GRID2: variants seen among roughly 807,000 people sequenced by gnomAD.
GRID2 encodes the protein glutamate ionotropic receptor delta type subunit 2.
In GRID2, 33 loss-of-function variants were observed where a neutral mutation model predicts 114.8. That is an observed-to-expected ratio of 0.29 (90% CI 0.22 to 0.38). GRID2 has a LOEUF of 0.38. Ranked by LOEUF, GRID2 falls within the 10% of genes least tolerant of loss-of-function variation. The pLI, the probability that GRID2 is intolerant of heterozygous loss-of-function variation, is 1.00. For synonymous variants in GRID2, 505 were observed against 449.9 expected, an observed-to-expected ratio of 1.12 and a Z score of -1.55; for missense variants, 1,184 against 1,257.7, an observed-to-expected ratio of 0.94 and a Z score of 0.89.
Position 93,085,186 on chromosome 4 carries a change from G to A in GRID2, c.436G>A (p.Val146Ile). 1 of 1,613,938 alleles carries A rather than the reference G, an allele frequency of 6.2e-7. No individual in the cohort carries two copies. The highest frequency in any genetic ancestry group is 8.5e-7 in the Non-Finnish European group (1 of 1,179,910). Residue 146 changes from valine (V) to isoleucine (I), a missense_variant, in exon 3 of 16, where the codon GTT (valine) becomes ATT (isoleucine). Coordinates refer to ENST00000282020, the MANE Select transcript of GRID2 (RefSeq NM_001510.4). Reference protein sequence around the residue: ...SNRNDDYTLSVRPPVYLHDVI... With the variant: ...SNRNDDYTLSIRPPVYLHDVI... Reference sequence around the variant, plus strand: ...CAGGAATGATGACTACACTCTCTCAGTTCGCCCACCTGTCTACTTGCATGA... The same window carrying A: ...CAGGAATGATGACTACACTCTCTCAATTCGCCCACCTGTCTACTTGCATGA...
chr4:92,910,978 C>T (rs1355356292), intron 2 of GRID2, among the ~76,000 whole-genome samples: 1 of 151,938 alleles, frequency 6.6e-6, no homozygotes, highest in Non-Finnish European at 1.5e-5. Flanking sequence ...ATTTGTTATA[C>T]TAGTTTCTGA....
intron 2 of GRID2, among the ~76,000 whole-genome samples, chr4:92,658,793 G>GTATATATATA (rs201480396): frequency 6.8e-5 from 9 of 132,364 alleles, no homozygotes; most frequent in Non-Finnish European, 1.3e-4. Flanking sequence ...GTGTGTGTGT[G>GTATATATATA]TATATATATA....
intron 7 of GRID2, among the ~76,000 whole-genome samples, chr4:93,227,531 A>C (rs1325379442): frequency 1.3e-5 from 2 of 152,072 alleles, no homozygotes; most frequent in African/African-American, 4.8e-5. Context: ...CTGTCCCTGA[A>C]CATAGGTTTT....
intron 4 of GRID2, among the ~76,000 whole-genome samples, chr4:93,166,664 A>G (rs1738280159): frequency 6.6e-6 from 1 of 152,166 alleles, no homozygotes; most frequent in African/African-American, 2.4e-5. Flanking sequence ...AGCCTCATGT[A>G]GGGATAATGC....
intron 14 of GRID2, among the ~76,000 whole-genome samples, chr4:93,659,677 A>C (rs951155516): frequency 1.3e-5 from 2 of 152,186 alleles, no homozygotes; most frequent in Non-Finnish European, 2.9e-5. Context: ...AAGAAGAGAT[A>C]TAATGAAAGT....
intron 2 of GRID2, among the ~76,000 whole-genome samples, chr4:92,876,206 G>C (rs955921267): frequency 4.0e-5 from 6 of 151,522 alleles, no homozygotes; most frequent in South Asian, 2.1e-4. Flanking sequence ...TATTTTGACA[G>C]TGTGGATTCT....
At chr4:92,489,165 A>T (rs1371956167) in intron 1 of GRID2, among the ~76,000 whole-genome samples, 3 of 152,210 alleles carry the variant, frequency 2.0e-5, no homozygotes, top group African/African-American at 7.2e-5. Context: ...TACAAACAGC[A>T]ATAATAAATA....
At chr4:92,881,154 C>T (rs1745982427) in intron 2 of GRID2, among the ~76,000 whole-genome samples, 1 of 152,188 alleles carries the variant, frequency 6.6e-6, no homozygotes, top group Non-Finnish European at 1.5e-5. Flanking sequence ...CCGCCCACAT[C>T]GGCCTCCCAC....
intron 8 of GRID2, among the ~76,000 whole-genome samples, chr4:93,395,360 T>C (rs142441784): frequency 6.6e-6 from 1 of 151,974 alleles, no homozygotes; most frequent in African/African-American, 2.4e-5. Context: ...AAGTCCTCAT[T>C]AAGTAAAATG....
Position 92,600,057 on chromosome 4 carries a change from T to A in GRID2, c.244+9771T>A, listed in dbSNP as rs1309075769. On this transcript the variant is annotated intron_variant, in intron 2 of 15. Coordinates refer to ENST00000282020, the MANE Select transcript of GRID2 (RefSeq NM_001510.4). ...GTGTGTGTGTGTGTATATATATATA[T>A]ATATATATATATATATATATATATA... Among the ~76,000 whole-genome samples the A allele has an allele frequency of 2.8e-4, 33 of 119,672 alleles. 2 individuals are homozygous for A. Among genetic ancestry groups the A allele is most frequent in the South Asian group, 1.4e-3 (5 of 3,638 alleles). 78.5% of individuals were successfully genotyped at this position (119,672 alleles called of 152,430 possible).
chr4:92,935,157 T>A (rs1474942105), intron 2 of GRID2, among the ~76,000 whole-genome samples: 1 of 145,676 alleles, frequency 6.9e-6, no homozygotes, highest in Non-Finnish European at 1.5e-5. Context: ...AGGGCTAATA[T>A]CCAGAATCTA....
chr4:92,457,724 A>T (rs998397923), intron 1 of GRID2, among the ~76,000 whole-genome samples: 22 of 151,930 alleles, frequency 1.4e-4, no homozygotes, highest in African/African-American at 4.3e-4. Context: ...CCTTTTTTTT[A>T]AAAATGTGGC....
At chr4:92,996,121 C>T (rs1032540197) in intron 2 of GRID2, among the ~76,000 whole-genome samples, 1 of 151,730 alleles carries the variant, frequency 6.6e-6, no homozygotes, top group Non-Finnish European at 1.5e-5. Flanking sequence ...GAAACCCTGT[C>T]TCTACTAGAA....
chr4:93,463,990 A>G (rs959374981), intron 11 of GRID2, among the ~76,000 whole-genome samples: 2 of 152,180 alleles, frequency 1.3e-5, no homozygotes, highest in Non-Finnish European at 2.9e-5. Context: ...CTCCATCTCA[A>G]AAACAAAAAC....
intron 8 of GRID2, among the ~76,000 whole-genome samples, chr4:93,266,013 GT>G (rs1750786070): frequency 6.6e-6 from 1 of 152,270 alleles, no homozygotes; most frequent in African/African-American, 2.4e-5. Flanking sequence ...AGGGAGCAAG[GT>G]GGGAACTGAC....
chr4:92,394,348 A>C (rs1040540057), intron 1 of GRID2, among the ~76,000 whole-genome samples: 4 of 152,064 alleles, frequency 2.6e-5, no homozygotes, highest in African/African-American at 9.7e-5. Context: ...CTCATGGTGC[A>C]CAGGGCACCA....
intron 2 of GRID2, among the ~76,000 whole-genome samples, chr4:92,834,389 C>A (rs1578264589): frequency 2.0e-5 from 3 of 151,864 alleles, no homozygotes; most frequent in East Asian, 3.9e-4. Flanking sequence ...TCATTTAAGC[C>A]TTATGTGTTG....
chr4:92,790,099 T>C (rs988271945), intron 2 of GRID2, among the ~76,000 whole-genome samples: 1 of 151,902 alleles, frequency 6.6e-6, no homozygotes, highest in Non-Finnish European at 1.5e-5. Context: ...TTAATGTATG[T>C]ATATATGTAT....
At chr4:93,517,791 T>C (rs930275481) in intron 13 of GRID2, among the ~76,000 whole-genome samples, 1 of 151,618 alleles carries the variant, frequency 6.6e-6, no homozygotes, top group Non-Finnish European at 1.5e-5. Flanking sequence ...CTGTCATTGA[T>C]TTCTAATTTA....
Sources: allele counts gnomAD v4.1 joint callset (sites outside exome capture counted in the v4.1 genomes callset), GRCh38; gene constraint gnomAD v4.1.1; transcripts MANE v1.5; gene names NCBI Gene and HGNC (gene_info 2026-07-23, HGNC 2026-07-21).